Variants in SDK1 observed in about 807,000 individuals in gnomAD.
SDK1 encodes the protein protein sidekick-1.
A neutral mutation model predicts 245.5 loss-of-function variants in SDK1; 157 were observed. The ratio of observed to expected loss-of-function variants is 0.64; its 90% CI spans 0.56 to 0.73. The LOEUF is 0.73. Ranked by LOEUF, SDK1 falls within the 30% of genes least tolerant of loss-of-function variation. SDK1 has a pLI of 0.00. For missense variants in SDK1, 3,583 were observed against 3,002.3 expected (o/e 1.19, Z -4.52); for synonymous variants, 1,647 against 1,278.5 (o/e 1.29, Z -6.15).
At chr7:3,895,461 G>A (rs112982578) in intron 5 of SDK1, among the ~76,000 whole-genome samples, 2,102 of 152,280 alleles carry the variant, frequency 0.014, 58 homozygotes, top group African/African-American at 0.048. Flanking sequence ...GAATAAAAAG[G>A]GGGAAATGTG....
chr7:3,455,981 C>A (rs1380920320), intron 1 of SDK1, among the ~76,000 whole-genome samples: 3 of 152,098 alleles, frequency 2.0e-5, no homozygotes, highest in Non-Finnish European at 1.5e-5. Flanking sequence ...GTTGTTCATT[C>A]CTCAAGGGTG....
chr7:3,559,567 G>T (rs7792517), intron 1 of SDK1, among the ~76,000 whole-genome samples: 3,007 of 152,128 alleles, frequency 0.02, 106 homozygotes, highest in African/African-American at 0.068. Flanking sequence ...ATTCATTGAC[G>T]CTCTTTTCTG....
At chr7:4,054,370 G>A (rs181862808) in intron 19 of SDK1, among the ~76,000 whole-genome samples, 7 of 152,304 alleles carry the variant, frequency 4.6e-5, no homozygotes, top group South Asian at 2.1e-4. Context: ...ATTGCATCAC[G>A]TCCAGGATAT....
At chr7:3,416,120 C>G (rs1342890128) in intron 1 of SDK1, among the ~76,000 whole-genome samples, 1 of 152,126 alleles carries the variant, frequency 6.6e-6, no homozygotes, top group African/African-American at 2.4e-5. Context: ...TTTATGATTT[C>G]TCAGTAGATT....
At chr7:4,216,977 G>A (rs866959480) in intron 38 of SDK1, among the ~76,000 whole-genome samples, 31 of 149,244 alleles carry the variant, frequency 2.1e-4, no homozygotes, top group African/African-American at 5.2e-4. Context: ...CAGGCCACCC[G>A]GAGCACCACA....
chr7:4,236,130 G>A (rs530525595), intron 41 of SDK1, among the ~76,000 whole-genome samples: 4 of 152,308 alleles, frequency 2.6e-5, no homozygotes, highest in East Asian at 1.9e-4. Context: ...TCCCCTATTC[G>A]TGAGATATAG....
chr7:3,455,835 G>T (rs1336452626), intron 1 of SDK1, among the ~76,000 whole-genome samples: 2 of 152,138 alleles, frequency 1.3e-5, no homozygotes, highest in Admixed American at 1.3e-4. Flanking sequence ...GATTTTGATA[G>T]GAATTGTGTT....
At chr7:3,454,388 TTGTGTGTGTGTG>T (rs60437983) in intron 1 of SDK1, among the ~76,000 whole-genome samples, 15 of 141,794 alleles carry the variant, frequency 1.1e-4, no homozygotes, top group South Asian at 2.4e-4. Context: ...TCCCCAAGAT[TTGTGTGTGTGTG>T]TGTGTGTGTG....
intron 5 of SDK1, among the ~76,000 whole-genome samples, chr7:3,919,932 T>C (rs1473207524): frequency 6.6e-6 from 1 of 151,740 alleles, no homozygotes; most frequent in African/African-American, 2.4e-5. Flanking sequence ...GCCACTAGAG[T>C]AAGCACCTGG....
chr7:3,586,326 G>A (rs1467831719), intron 1 of SDK1, among the ~76,000 whole-genome samples: 1 of 152,062 alleles, frequency 6.6e-6, no homozygotes, highest in Non-Finnish European at 1.5e-5. Context: ...TGCACCCAGT[G>A]GAGGTGACCT....
At chr7:3,542,618 A>C (rs1779086903) in intron 1 of SDK1, among the ~76,000 whole-genome samples, 1 of 152,252 alleles carries the variant, frequency 6.6e-6, no homozygotes, top group South Asian at 2.1e-4. Flanking sequence ...TAACATTATT[A>C]AAATAAAAAT....
intron 2 of SDK1, among the ~76,000 whole-genome samples, chr7:3,633,619 A>G (rs1438110955): frequency 6.6e-6 from 1 of 152,150 alleles, no homozygotes; most frequent in African/African-American, 2.4e-5. Flanking sequence ...TTTTCATAAA[A>G]AAAGAAATGA....
chr7:4,144,390 C>T (rs583894), intron 28 of SDK1, among the ~76,000 whole-genome samples: 15 of 152,094 alleles, frequency 9.9e-5, no homozygotes, highest in Admixed American at 3.3e-4. Flanking sequence ...CAGACACCTG[C>T]GCCTAGAGGT....
chr7:3,781,469 AG>A (rs1780735208), intron 4 of SDK1, among the ~76,000 whole-genome samples: 1 of 152,192 alleles, frequency 6.6e-6, no homozygotes, highest in African/African-American at 2.4e-5. Flanking sequence ...AGGCCAGAAA[AG>A]GGGACTGTCT....
chr7:3,930,588 G>C (rs183396016), intron 5 of SDK1, among the ~76,000 whole-genome samples: 211 of 152,314 alleles, frequency 1.4e-3, no homozygotes, highest in African/African-American at 5.0e-3. Context: ...ATCAAATTAA[G>C]CTAATTCGTA....
chr7:3,301,763 C>T lies in SDK1; in HGVS notation c.177C>T (p.Gly59=), dbSNP rs1177443297. ...CCCGGGCGGCGCCCGAGACCTCCGG[C>T]GGGGACACGGCGGGCGCGGGGCGGT... The part of the protein sequence containing the change: ...SRPRAAPETS[G]GDTAGAGRCG... The change falls in exon 1 of 45, where the codon GGC becomes GGT. Residue 59 remains glycine (G), a synonymous_variant. Transcript: ENST00000404826. 12 of 987,318 alleles carry T rather than the reference C, an allele frequency of 1.2e-5. No homozygotes were observed. The East Asian group carries it at 5.6e-4, about 46-fold the overall frequency. The allele number at this position is 987,318 out of a possible 1,614,324, so 61.2% of individuals were successfully genotyped here. A position where few individuals can be genotyped will look rare whatever the true frequency, so the allele number is the denominator to read the frequency against.
At chr7:3,831,334 T>G (rs1194754433) in intron 5 of SDK1, among the ~76,000 whole-genome samples, 1 of 152,216 alleles carries the variant, frequency 6.6e-6, no homozygotes, top group Non-Finnish European at 1.5e-5. Flanking sequence ...ACTAAATGGT[T>G]CTACTCGTAC....
At chr7:3,941,418 G>A (rs1048434574) in intron 5 of SDK1, among the ~76,000 whole-genome samples, 28 of 151,742 alleles carry the variant, frequency 1.8e-4, no homozygotes, top group South Asian at 6.3e-4. Context: ...TGAGTGTGGC[G>A]CTCCTGCCTC....
chr7:3,433,712 T>A (rs931323538), intron 1 of SDK1, among the ~76,000 whole-genome samples: 3 of 152,148 alleles, frequency 2.0e-5, no homozygotes, highest in African/African-American at 7.2e-5. Flanking sequence ...CCAGCTCAAT[T>A]GATTCAGAAA....
Sources: gnomAD v4.1 joint callset for allele counts (sites outside exome capture counted in the v4.1 genomes callset) on GRCh38, gnomAD v4.1.1 for gene constraint, MANE v1.5 for transcripts, NCBI Gene and HGNC (gene_info 2026-07-23, HGNC 2026-07-21) for gene names.